CCAR2: variants seen among roughly 807,000 people sequenced by gnomAD.
CCAR2 encodes cell cycle and apoptosis regulator protein 2.
A neutral mutation model predicts 108.1 loss-of-function variants in CCAR2; 21 were observed. The observed-to-expected ratio is 0.19, with a 90% CI of 0.14 to 0.28. The LOEUF is 0.28. Among genes scored for constraint, CCAR2 ranks in the 10% least tolerant of loss-of-function variants. The probability of loss-of-function intolerance (pLI) is 1.00; values close to 1 mark genes in which losing one functional copy is unlikely to be tolerated. For synonymous variants in CCAR2, 577 were observed against 472.8 expected (o/e 1.22, Z -2.86); for missense variants, 1,126 against 1,177.0 (o/e 0.96, Z 0.63).
intron 19 of CCAR2, 57 bp from the exon 20 acceptor site, chr8:22,619,093 C>T: frequency 6.3e-7 from 1 of 1,599,178 alleles, no homozygotes. Context: ...TCAGGCCCTG[C>T]CCTGTGCTCT....
chr8:22,605,983 A>T, intron 2 of CCAR2, 102 bp from the exon 3 acceptor site: 1 of 1,264,594 alleles, frequency 7.9e-7, no homozygotes. Flanking sequence ...TCTGTGGAGG[A>T]GCTGGCTGGA....
chr8:22,616,946 A>G (rs1801544204), intron 14 of CCAR2, among the ~76,000 whole-genome samples: 1 of 70,978 alleles, frequency 1.4e-5, no homozygotes, highest in South Asian at 5.2e-4. Context: ...CAGTGGCGCA[A>G]CCTCGGCTCA....
chr8:22,616,352 C>A, intron 14 of CCAR2, 104 bp downstream of exon 14: 1 of 1,051,652 alleles, frequency 9.5e-7, no homozygotes, highest in Non-Finnish European at 1.4e-6. Context: ...TCATTCCCTG[C>A]ACCCTTGCTC....
rs760547544 is a variant in CCAR2, at chr8:22,616,164, A to G, written c.1761A>G (p.Glu587=). The stretch of plus-strand genomic sequence containing the variant: ...CCAAGGAAGAAGCCACCAAGGAGGA[A>G]GAAGCCATCAAAGAGGAGGTGGTCA... ...EAAKEEATKE[E]EAIKEEVVKE... Residue 587 remains glutamate (E), a synonymous_variant, in exon 14 of 21, where the codon GAA becomes GAG. Transcript: ENST00000308511. 3 of 1,613,924 alleles carry G rather than the reference A, an allele frequency of 1.9e-6. No individual in the cohort carries two copies. The highest frequency in any genetic ancestry group is 3.3e-5 in the Admixed American group (2 of 59,990).
chr8:22,605,779 C>G lies in CCAR2; in HGVS notation c.6C>G (p.Ser2=), dbSNP rs777683635. 1.9e-6 allele frequency: 3 copies of G among 1,613,916 alleles called. No homozygotes were observed. Among genetic ancestry groups the G allele is most frequent in the Non-Finnish European group, 8.5e-7 (1 of 1,179,868 alleles). The change falls in exon 2 of 21, where the codon TCC becomes TCG. Residue 2 remains serine (S), a synonymous_variant. Coordinates refer to ENST00000308511, the MANE Select transcript of CCAR2 (RefSeq NM_001393997.1). ...GAAAGAGGACAGCGTTCCCAATGTC[C>G]CAGTTTAAGCGCCAGCGGATCAACC... M[S]QFKRQRINPL... is the part of the protein sequence containing the mutation.
rs1801051782 is a variant in CCAR2, at chr8:22,605,782, G to C, written c.9G>C (p.Gln3His). The change falls in exon 2 of 21, where the codon CAG (glutamine) becomes CAC (histidine). Residue 3 changes from glutamine to histidine, a missense_variant. Physicochemically the swap from Gln to His is conservative, Grantham distance 24. Transcript: ENST00000308511. ...AGAGGACAGCGTTCCCAATGTCCCAGTTTAAGCGCCAGCGGATCAACCCGC... is the reference window on the plus strand; with the variant it reads ...AGAGGACAGCGTTCCCAATGTCCCACTTTAAGCGCCAGCGGATCAACCCGC... MS[Q>H]FKRQRINPLP... The C allele has an allele frequency of 6.2e-7, 1 of 1,614,010 alleles. No homozygotes were observed.
chr8:22,615,377 C>T (rs201116088), intron 11 of CCAR2, 48 bp from the exon 12 acceptor site: 50 of 1,587,066 alleles, frequency 3.2e-5, no homozygotes, highest in Middle Eastern at 1.7e-4. Flanking sequence ...GTGGTGTCTG[C>T]GTGGAGTTGT....
chr8:22,621,259 G>A, downstream of CCAR2: 6 of 948,198 alleles, frequency 6.3e-6, no homozygotes, highest in Non-Finnish European at 9.2e-6. Context: ...CCTGCCTAGG[G>A]CTCCTGGTGC....
chr8:22,614,889 TCTC>T lies in CCAR2; in HGVS notation c.1096_1098del (p.Pro366del), dbSNP rs1801436455. 6.2e-7 allele frequency: 1 copy of T among 1,613,978 alleles called. No homozygotes were observed. The highest frequency in any genetic ancestry group is 8.5e-7 in the Non-Finnish European group (1 of 1,180,004). ...GGCAGTGCTGGTTGGGGGTGAATGG[TCTC>T]CTTCCCTGGATGGCCTCGACCCCCA... On this transcript the variant is annotated inframe_deletion, in exon 11 of 21. Transcript: ENST00000308511.
At position 22,618,713 on chromosome 8, in the gene CCAR2, G is replaced by A. The variant is rs1319530949; in HGVS notation, c.2317G>A (p.Glu773Lys). Residue 773 changes from glutamate to lysine, a missense_variant, in exon 18 of 21, where the codon GAG (glutamate) becomes AAG (lysine). By Grantham distance (56) the Glu-to-Lys change is moderately conservative. Coordinates refer to ENST00000308511, the MANE Select transcript of CCAR2 (RefSeq NM_001393997.1). Reference protein sequence around the residue: ...RQEGLDGGLPEEVLFGNLDLL... With the variant: ...RQEGLDGGLPKEVLFGNLDLL... ...GGAGGGCCTGGATGGTGGCCTTCCC[G>A]AGGAGGTGCTCTTCGGTATGTTCTG... The A allele has an allele frequency of 6.2e-6, 10 of 1,614,024 alleles. No homozygotes were observed. Among genetic ancestry groups the A allele is most frequent in the East Asian group, 2.2e-5 (1 of 44,880 alleles).
In CCAR2 at chr8:22,618,826, G is replaced by C. The variant is rs751547940; in HGVS notation, c.2333-1G>C. 1 of 1,613,444 alleles carries C rather than the reference G, an allele frequency of 6.2e-7. No individual in the cohort carries two copies. The highest frequency in any genetic ancestry group is 1.1e-5 in the South Asian group (1 of 91,076). ...GAATTCTTTTTCACGGTTCTCTCTA[G>C]GAAACCTGGACCTGCTGCCCCCTCC... is the stretch of plus-strand genomic sequence containing the variant. On this transcript the variant is annotated splice_acceptor_variant, in intron 18 of 20. Transcript: ENST00000308511. LOFTEE classifies it high-confidence loss of function.
In CCAR2 at chr8:22,619,296, C is replaced by G; in HGVS notation, c.2668C>G (p.Gln890Glu). ...RQKSQLQRLL[Q>E]ELRRRLTPLQ... ...GAAGAGCCAGCTCCAGCGGCTGCTGCAGGAGCTCCGCAGGCGTCTGACCCC... is the reference window on the plus strand; with the variant it reads ...GAAGAGCCAGCTCCAGCGGCTGCTGGAGGAGCTCCGCAGGCGTCTGACCCC... Residue 890 changes from glutamine (Q) to glutamate (E), a missense_variant, in exon 20 of 21, where the codon CAG (glutamine) becomes GAG (glutamate). By Grantham distance (29) the Gln-to-Glu change is conservative. This residue lies in a region of CCAR2 where 1,013 missense variants were observed against 993.9 expected (regional missense o/e 1.02). Coordinates refer to ENST00000308511, the MANE Select transcript of CCAR2 (RefSeq NM_001393997.1). 6.4e-7 allele frequency: 1 copy of G among 1,564,576 alleles called. No homozygotes were observed. The highest frequency in any genetic ancestry group is 8.7e-7 in the Non-Finnish European group (1 of 1,155,264).
chr8:22,607,477 T>G, intron 6 of CCAR2, 152 bp downstream of exon 6: 1 of 906,090 alleles, frequency 1.1e-6, no homozygotes, highest in East Asian at 2.9e-5. Flanking sequence ...GTTTTTTTTT[T>G]TTTTTTTTTT....
chr8:22,617,225 C>T (rs1801559319), intron 14 of CCAR2, among the ~76,000 whole-genome samples, 195 bp from the exon 15 acceptor site: 1 of 152,054 alleles, frequency 6.6e-6, no homozygotes, highest in African/African-American at 2.4e-5. Flanking sequence ...AGGAAAAAAG[C>T]CCAGGTGTCT....
rs749909152 is a variant in CCAR2, at chr8:22,615,883, C to T, written c.1579C>T (p.Arg527Trp). 12 of 1,613,950 alleles carry T rather than the reference C, an allele frequency of 7.4e-6. No homozygotes were observed. The highest frequency in any genetic ancestry group is 1.7e-5 in the Admixed American group (1 of 60,008). The change falls in exon 13 of 21, where the codon CGG (arginine) becomes TGG (tryptophan). Residue 527 changes from arginine to tryptophan, a missense_variant. Physicochemically the swap from Arg to Trp is moderately radical, Grantham distance 101. Transcript: ENST00000308511. Reference sequence around the variant, plus strand: ...GTCCCTCCATGGGATTGTGGAGGATCGGAGGCCAAAGGAAAGGATCTCTTT... The same window carrying T: ...GTCCCTCCATGGGATTGTGGAGGATTGGAGGCCAAAGGAAAGGATCTCTTT... ...NLSLHGIVED[R>W]RPKERISFEV... is the part of the protein sequence containing the mutation.
At chr8:22,611,360 CA>C (rs533441943) in intron 7 of CCAR2, among the ~76,000 whole-genome samples, 8,808 of 99,752 alleles carry the variant, frequency 0.088, 469 homozygotes, top group African/African-American at 0.21. Flanking sequence ...GACTCTGTCT[CA>C]AAAAAAAAAA....
At chr8:22,621,428 A>G (rs750509864), downstream of CCAR2, 2 of 1,613,078 alleles carry the variant, frequency 1.2e-6, no homozygotes, top group Non-Finnish European at 1.7e-6. Flanking sequence ...GGATTCAGTC[A>G]TCGGCCACAA....
chr8:22,618,756 T>TG (rs758574459), intron 18 of CCAR2, 28 bp downstream of exon 18: 1 of 1,613,462 alleles, frequency 6.2e-7, no homozygotes, highest in South Asian at 1.1e-5. Context: ...GCAGCCTTCC[T>TG]GGGGCACGGG....
chr8:22,606,127 T>C lies in CCAR2; in HGVS notation c.101T>C (p.Leu34Pro). The stretch of plus-strand genomic sequence containing the variant: ...CTTCTGGGCCCTCCTCCTGGTTTGC[T>C]CACTCCTCCTGTGGCCACAGAACTG... ...TSLLGPPPGL[L>P]TPPVATELSQ... Residue 34 changes from leucine to proline, a missense_variant, in exon 3 of 21, where the codon CTC becomes CCC. By Grantham distance (98) the Leu-to-Pro change is moderately conservative. Transcript: ENST00000308511. 1.2e-6 allele frequency: 2 copies of C among 1,614,164 alleles called. No homozygotes were observed. Among genetic ancestry groups the C allele is most frequent in the South Asian group, 1.1e-5 (1 of 91,090 alleles).
Sources: allele counts gnomAD v4.1 joint callset (sites outside exome capture counted in the v4.1 genomes callset), GRCh38; gene constraint gnomAD v4.1.1; regional missense constraint gnomAD v4.1.1; transcripts MANE v1.5; gene names NCBI Gene and HGNC (gene_info 2026-07-23, HGNC 2026-07-21).